Variants in REC114 observed in about 807,000 individuals in gnomAD.
The protein encoded by REC114 is REC114 meiotic recombination protein.
A neutral mutation model predicts 31.3 loss-of-function variants in REC114; 27 were observed. That is an observed-to-expected ratio of 0.86 (90% CI 0.64 to 1.19). REC114 has a LOEUF of 1.19. REC114 is among the 50% of genes most tolerant of loss of function. The pLI is 0.00. For synonymous variants in REC114, 134 were observed against 127.7 expected, an observed-to-expected ratio of 1.05 and a Z score of -0.33; for missense variants, 344 against 326.9, an observed-to-expected ratio of 1.05 and a Z score of -0.40.
At chr15:73,455,949 G>C (rs1291097858) in intron 1 of REC114, among the ~76,000 whole-genome samples, 2 of 152,112 alleles carry the variant, frequency 1.3e-5, no homozygotes, top group African/African-American at 2.4e-5. Flanking sequence ...TGAGAGGCAG[G>C]GGTTTAGAAT....
intron 2 of REC114, among the ~76,000 whole-genome samples, chr15:73,534,597 A>C (rs1363936413): frequency 2.0e-5 from 3 of 152,102 alleles, no homozygotes; most frequent in African/African-American, 7.2e-5. Flanking sequence ...ATTCTACCAG[A>C]GGTACAAGGA....
chr15:73,556,299 C>T lies in REC114; in HGVS notation c.547-3C>T, dbSNP rs74488445. ...CTCCTTATTGCATGTTGTTTTATTC[C>T]AGTCCCACCAGCACTCAGAACAACA... On this transcript the variant is annotated splice_region_variant and splice_polypyrimidine_tract_variant and intron_variant, in intron 4 of 5. Transcript: ENST00000331090. The T allele has an allele frequency of 3.2e-3, 5,079 of 1,612,024 alleles. 146 individuals are homozygous for T. In the African/African-American group the frequency reaches 0.057, roughly 18 times the overall value.
chr15:73,505,944 T>C (rs1893669958), intron 2 of REC114, among the ~76,000 whole-genome samples: 1 of 152,194 alleles, frequency 6.6e-6, no homozygotes, highest in Non-Finnish European at 1.5e-5. Context: ...CTCTTCTTTT[T>C]ATTCCTACTA....
rs149055733 is a variant in REC114 at position 73,536,413 on chromosome 15, T to A, written c.250-4072T>A. ...TTTCCCCCTCCTCTTGGACAGATTC[T>A]GTGTCTTATATTTTAACCCCTAGCA... On this transcript the variant is annotated intron_variant, in intron 2 of 5. Transcript: ENST00000331090. 1.2e-3 allele frequency among the ~76,000 whole-genome samples: 178 copies of A among 152,336 alleles called. 2 individuals carry two copies. The highest frequency in any genetic ancestry group is 3.3e-3 in the Admixed American group (51 of 15,300).
At chr15:73,544,058 G>A (rs575281429) in intron 3 of REC114, among the ~76,000 whole-genome samples, 148 of 143,694 alleles carry the variant, frequency 1.0e-3, no homozygotes, top group Non-Finnish European at 1.8e-3. Context: ...CAATCCTTCC[G>A]CCCCATCCTT....
intron 1 of REC114, among the ~76,000 whole-genome samples, chr15:73,456,371 C>CT (rs1310032974): frequency 1.3e-5 from 2 of 151,472 alleles, no homozygotes; most frequent in African/African-American, 2.4e-5. Context: ...GAAAAAAATC[C>CT]TTTTTTTATA....
intron 2 of REC114, among the ~76,000 whole-genome samples, chr15:73,529,123 A>AT (rs1307574294): frequency 2.0e-5 from 3 of 151,258 alleles, no homozygotes; most frequent in Non-Finnish European, 4.4e-5. Flanking sequence ...TTTTATTTTT[A>AT]TTATTTATTT....
intron 1 of REC114, among the ~76,000 whole-genome samples, chr15:73,458,752 C>T (rs1892951086): frequency 6.6e-6 from 1 of 152,166 alleles, no homozygotes; most frequent in Non-Finnish European, 1.5e-5. Flanking sequence ...AAGGAAGTTT[C>T]CTGTAAGCCA....
chr15:73,500,394 C>T (rs981650029), intron 2 of REC114, among the ~76,000 whole-genome samples: 1 of 147,298 alleles, frequency 6.8e-6, no homozygotes, highest in South Asian at 2.2e-4. Context: ...AAACCAGATA[C>T]GACAAAAGAG....
intron 4 of REC114, 32 bp from the exon 5 acceptor site, chr15:73,556,270 T>G: frequency 1.9e-6 from 3 of 1,569,542 alleles, no homozygotes; most frequent in East Asian, 2.2e-5. Flanking sequence ...TACATTCAGC[T>G]AGTCTCCTTA....
At chr15:73,541,181 T>A (rs1483751903) in intron 3 of REC114, among the ~76,000 whole-genome samples, 1 of 152,136 alleles carries the variant, frequency 6.6e-6, no homozygotes, top group Non-Finnish European at 1.5e-5. Flanking sequence ...TAACCTGGGG[T>A]ACACAGACCC....
At chr15:73,471,021 A>G (rs562459475) in intron 1 of REC114, among the ~76,000 whole-genome samples, 2 of 152,308 alleles carry the variant, frequency 1.3e-5, no homozygotes, top group African/African-American at 4.8e-5. Flanking sequence ...TAGACCGTGG[A>G]GTGCGTTGCA....
rs755853944 is a variant in REC114, at chr15:73,559,780, A to T, written c.665A>T (p.His222Leu). The change falls in exon 6 of 6, where the codon CAT becomes CTT. Residue 222 changes from histidine (H) to leucine (L), a missense_variant. Transcript: ENST00000331090. The part of the protein sequence containing the change: ...QTLLASEELP[H>L]VYEQSAWGAE... ...CTTCTGGCATCGGAGGAGCTGCCCC[A>T]TGTCTATGAACAATCTGCATGGGGT... 5.6e-6 allele frequency: 9 copies of T among 1,599,760 alleles called. No homozygotes were observed. The highest frequency in any genetic ancestry group is 6.8e-6 in the Non-Finnish European group (8 of 1,175,394).
intron 2 of REC114, among the ~76,000 whole-genome samples, chr15:73,520,510 G>A (rs556590893): frequency 2.6e-5 from 4 of 152,306 alleles, no homozygotes; most frequent in South Asian, 4.1e-4. Context: ...TTACAGGTGT[G>A]AGCCACTGTG....
At chr15:73,557,526 G>A (rs530034230) in intron 5 of REC114, among the ~76,000 whole-genome samples, 1 of 151,562 alleles carries the variant, frequency 6.6e-6, no homozygotes, top group African/African-American at 2.4e-5. Flanking sequence ...GGAAGACTAA[G>A]AATTCATGTT....
At chr15:73,518,670 G>T (rs769956533) in intron 2 of REC114, among the ~76,000 whole-genome samples, 56 of 152,176 alleles carry the variant, frequency 3.7e-4, no homozygotes, top group Admixed American at 7.9e-4. Context: ...AGGGGGAGGG[G>T]TGATCTCCCA....
intron 1 of REC114, among the ~76,000 whole-genome samples, chr15:73,456,868 A>G (rs1892922269): frequency 6.6e-6 from 1 of 152,184 alleles, no homozygotes; most frequent in South Asian, 2.1e-4. Context: ...TAGCAATTCA[A>G]TTATGTGGAT....
intron 1 of REC114, among the ~76,000 whole-genome samples, chr15:73,444,159 C>T (rs1892735614): frequency 6.6e-6 from 1 of 152,202 alleles, no homozygotes; most frequent in Non-Finnish European, 1.5e-5. Context: ...CTGGTGGCTG[C>T]TGACTGATCA....
intron 2 of REC114, among the ~76,000 whole-genome samples, chr15:73,516,859 G>A (rs372188006): frequency 3.3e-5 from 5 of 152,070 alleles, no homozygotes; most frequent in Non-Finnish European, 4.4e-5. Context: ...ACTCCTGATC[G>A]GAGGTGATCT....
Sources: gnomAD v4.1 joint callset for allele counts (sites outside exome capture counted in the v4.1 genomes callset) on GRCh38, gnomAD v4.1.1 for gene constraint, MANE v1.5 for transcripts, NCBI Gene and HGNC (gene_info 2026-07-23, HGNC 2026-07-21) for gene names.